VPS37A: variants seen among roughly 807,000 people sequenced by gnomAD.
VPS37A encodes VPS37A subunit of ESCRT-I.
VPS37A carries 30 observed loss-of-function variants against 49.8 expected under a neutral mutation model. The ratio of observed to expected loss-of-function variants is 0.60; its 90% CI spans 0.45 to 0.82. The LOEUF is 0.82. Among genes scored for constraint, VPS37A ranks in the 40% least tolerant of loss-of-function variants. VPS37A has a pLI of 0.00. For synonymous variants in VPS37A, 195 were observed against 160.6 expected, an observed-to-expected ratio of 1.21 and a Z score of -1.62; for missense variants, 593 against 464.4, an observed-to-expected ratio of 1.28 and a Z score of -2.55.
chr8:17,328,704 G>T, the VPS37A span, among the ~76,000 whole-genome samples: 3 of 151,948 alleles, frequency 2.0e-5, no homozygotes, highest in Non-Finnish European at 4.4e-5. Flanking sequence ...ACATACCCCA[G>T]AACTTAAAAA....
At position 17,297,753 on chromosome 8, in the gene VPS37A, G is replaced by T. The variant is rs564780353; in HGVS notation, c.*2767G>T. 1 of 150,938 alleles carries T rather than the reference G, an allele frequency of 6.6e-6. No homozygotes were observed. The highest frequency in any genetic ancestry group is 2.0e-4 in the East Asian group (1 of 5,128). 9.3% of individuals were successfully genotyped at this position (150,938 alleles called of 1,614,324 possible). ...TGTTGGGGATATTTTAGTCTTGTTG[G>T]GTTAGCCATGCTCTGAAGAATCTGT... On this transcript the variant is annotated 3_prime_UTR_variant, in exon 12 of 12. Coordinates refer to ENST00000324849, the MANE Select transcript of VPS37A (RefSeq NM_152415.3).
downstream of VPS37A, among the ~76,000 whole-genome samples, chr8:17,306,772 C>A (rs1817482130): frequency 6.6e-6 from 1 of 152,170 alleles, no homozygotes; most frequent in East Asian, 1.9e-4. Context: ...TGTCTAGAAA[C>A]TTCTCAGATG....
intron 11 of VPS37A, among the ~76,000 whole-genome samples, chr8:17,289,582 G>A (rs569263219): frequency 5.3e-5 from 8 of 152,190 alleles, no homozygotes; most frequent in South Asian, 2.1e-4. Context: ...TACCAGTACC[G>A]TGCTGTTTTG....
intron 3 of VPS37A, 66 bp downstream of exon 3, chr8:17,268,438 T>G: frequency 8.1e-7 from 1 of 1,236,450 alleles, no homozygotes; most frequent in South Asian, 1.5e-5. Flanking sequence ...ACTAAATATT[T>G]TAGAAATCTG....
chr8:17,325,957 T>TA, the VPS37A span, among the ~76,000 whole-genome samples: 1 of 152,244 alleles, frequency 6.6e-6, no homozygotes, highest in African/African-American at 2.4e-5. Flanking sequence ...ATACCCACCT[T>TA]ACACTGGAAA....
At chr8:17,252,333 T>TTTG (rs150978188) in intron 1 of VPS37A, among the ~76,000 whole-genome samples, 10,206 of 151,788 alleles carry the variant, frequency 0.067, 465 homozygotes, top group Non-Finnish European at 0.1. Context: ...TTTAATTACT[T>TTTG]TTGTTGTTGT....
the VPS37A span, among the ~76,000 whole-genome samples, chr8:17,328,232 G>GA: frequency 0.34 from 51,677 of 151,918 alleles, 10,693 homozygotes; most frequent in African/African-American, 0.56. Flanking sequence ...CAGATATGAA[G>GA]GGTGTCCCAG....
intron 4 of VPS37A, among the ~76,000 whole-genome samples, chr8:17,270,089 A>G (rs752044850): frequency 6.6e-6 from 1 of 151,952 alleles, no homozygotes; most frequent in Non-Finnish European, 1.5e-5. Context: ...TCTCATGAGA[A>G]CTCACTATGG....
At chr8:17,293,609 C>T (rs1161051623) in intron 11 of VPS37A, among the ~76,000 whole-genome samples, 2 of 152,086 alleles carry the variant, frequency 1.3e-5, no homozygotes, top group East Asian at 3.9e-4. Context: ...TACCTTTGTT[C>T]TTTGTTGTTG....
intron 4 of VPS37A, 82 bp from the exon 5 acceptor site, chr8:17,274,651 T>A: frequency 8.9e-7 from 1 of 1,129,848 alleles, no homozygotes; most frequent in Non-Finnish European, 1.3e-6. Flanking sequence ...ACTTGACCTT[T>A]GTTATTTAGA....
the VPS37A span, among the ~76,000 whole-genome samples, chr8:17,316,498 G>A: frequency 6.7e-6 from 1 of 148,576 alleles, no homozygotes; most frequent in South Asian, 2.1e-4. Flanking sequence ...CAGTCTCCTT[G>A]TGGAAAGTCT....
rs1324658963 is a variant in VPS37A, at chr8:17,268,364, G to A, written c.307G>A (p.Val103Ile). Residue 103 changes from valine (V) to isoleucine (I), a missense_variant, in exon 3 of 12, where the codon GTA becomes ATA. Val to Ile is a conservative substitution (Grantham distance 29). Coordinates refer to ENST00000324849, the MANE Select transcript of VPS37A (RefSeq NM_152415.3). ...KQGVYVTSPL[V>I]NNFTMHSDLG... ...AGGAGTGTATGTTACCTCTCCATTAGTAAACAATGTATGTATATGGGATAA... is the reference window on the plus strand; with the variant it reads ...AGGAGTGTATGTTACCTCTCCATTAATAAACAATGTATGTATATGGGATAA... 1.3e-6 allele frequency: 2 copies of A among 1,595,886 alleles called. No homozygotes were observed. The highest frequency in any genetic ancestry group is 1.7e-6 in the Non-Finnish European group (2 of 1,164,218).
At chr8:17,270,053 G>A (rs1813830232) in intron 4 of VPS37A, among the ~76,000 whole-genome samples, 1 of 151,900 alleles carries the variant, frequency 6.6e-6, no homozygotes, top group Non-Finnish European at 1.5e-5. Flanking sequence ...AGTGGGGGAG[G>A]TACCACACCC....
chr8:17,273,099 T>G (rs1443475438), intron 4 of VPS37A, among the ~76,000 whole-genome samples: 1 of 147,714 alleles, frequency 6.8e-6, no homozygotes, highest in Non-Finnish European at 1.5e-5. Flanking sequence ...TTCATGTTAG[T>G]ACTAAGGCAC....
downstream of VPS37A, among the ~76,000 whole-genome samples, chr8:17,300,673 T>C (rs1472376350): frequency 6.6e-6 from 1 of 152,240 alleles, no homozygotes; most frequent in Non-Finnish European, 1.5e-5. Flanking sequence ...TTTTTAGTTA[T>C]ATTCACAAGG....
At chr8:17,281,068 C>T (rs915036400) in intron 9 of VPS37A, among the ~76,000 whole-genome samples, 13 of 151,688 alleles carry the variant, frequency 8.6e-5, no homozygotes, top group African/African-American at 2.4e-4. Context: ...CATAAACCAA[C>T]AACAGCAAAA....
chr8:17,311,390 C>T, the VPS37A span: 1 of 1,306,052 alleles, frequency 7.7e-7, no homozygotes, highest in Non-Finnish European at 1.1e-6. Flanking sequence ...TTTAATCTTG[C>T]TGAGCTACTA....
At chr8:17,323,776 T>C in the VPS37A span, among the ~76,000 whole-genome samples, 10 of 152,166 alleles carry the variant, frequency 6.6e-5, no homozygotes, top group Non-Finnish European at 1.5e-4. Flanking sequence ...CCTAGAGCCT[T>C]ATGGAGAAAG....
chr8:17,301,946 C>A, downstream of VPS37A: 1 of 511,708 alleles, frequency 2.0e-6, no homozygotes, highest in South Asian at 4.9e-5. Context: ...GGAACTGAGC[C>A]ACAAACCAGA....
Sources: allele counts gnomAD v4.1 joint callset (sites outside exome capture counted in the v4.1 genomes callset), GRCh38; gene constraint gnomAD v4.1.1; transcripts MANE v1.5; gene names NCBI Gene and HGNC (gene_info 2026-07-23, HGNC 2026-07-21).